Variants in ANO6 observed in about 807,000 individuals in gnomAD.
ANO6 encodes anoctamin-6.
In ANO6, 106 loss-of-function variants were observed where a neutral mutation model predicts 117.5. The ratio of observed to expected loss-of-function variants is 0.90; its 90% CI spans 0.77 to 1.06. ANO6 has a LOEUF of 1.06. ANO6 is among the 50% of genes least tolerant of loss of function. The pLI, the probability that ANO6 is intolerant of heterozygous loss-of-function variation, is 0.00. For missense variants in ANO6, 955 were observed against 1,121.1 expected (o/e 0.85, Z 2.12); for synonymous variants, 367 against 385.1 (o/e 0.95, Z 0.55).
At chr12:45,261,574 G>A (rs1430947496) in intron 1 of ANO6, among the ~76,000 whole-genome samples, 3 of 152,214 alleles carry the variant, frequency 2.0e-5, no homozygotes, top group African/African-American at 4.8e-5. Context: ...TCCTGGCTCT[G>A]TTACTTCAGT....
At chr12:45,287,110 AT>A (rs1938942564) in intron 1 of ANO6, among the ~76,000 whole-genome samples, 2 of 152,338 alleles carry the variant, frequency 1.3e-5, no homozygotes, top group South Asian at 4.1e-4. Flanking sequence ...GTAATTACTA[AT>A]TAAGTGCTAA....
chr12:45,254,363 G>A (rs1937736032), intron 1 of ANO6, among the ~76,000 whole-genome samples: 1 of 152,172 alleles, frequency 6.6e-6, no homozygotes, highest in East Asian at 1.9e-4. Context: ...GAGGAGGATG[G>A]GGATGTTGTG....
intron 17 of ANO6, among the ~76,000 whole-genome samples, chr12:45,418,671 C>G (rs1289848584): frequency 1.3e-5 from 2 of 152,176 alleles, no homozygotes; most frequent in African/African-American, 4.8e-5. Context: ...TTCCCAGCAT[C>G]CATGCCATGG....
At chr12:45,423,270 A>G (rs190181909) in intron 19 of ANO6, among the ~76,000 whole-genome samples, 43 of 152,168 alleles carry the variant, frequency 2.8e-4, no homozygotes, top group Admixed American at 2.4e-3. Context: ...AAAGCATGTT[A>G]TGCGCAAAGG....
chr12:45,324,953 C>T (rs139082161), intron 2 of ANO6, among the ~76,000 whole-genome samples: 5 of 152,252 alleles, frequency 3.3e-5, no homozygotes, highest in African/African-American at 9.6e-5. Flanking sequence ...TCACAGCTAT[C>T]GATTTGGTGA....
intron 1 of ANO6, among the ~76,000 whole-genome samples, chr12:45,274,565 A>G (rs1334052553): frequency 6.6e-6 from 1 of 151,836 alleles, no homozygotes; most frequent in Non-Finnish European, 1.5e-5. Flanking sequence ...GCCACCATTC[A>G]TGCACCTCTT....
intron 13 of ANO6, among the ~76,000 whole-genome samples, chr12:45,402,657 T>G (rs1174902739): frequency 6.6e-6 from 1 of 152,250 alleles, no homozygotes; most frequent in Non-Finnish European, 1.5e-5. Context: ...TCTAGCAAGT[T>G]GTACCTTGGT....
At chr12:45,423,665 G>C (rs1943422151) in intron 19 of ANO6, among the ~76,000 whole-genome samples, 1 of 152,138 alleles carries the variant, frequency 6.6e-6, no homozygotes, top group Non-Finnish European at 1.5e-5. Flanking sequence ...GAAAGTCTGT[G>C]GTTGCTCCTG....
chr12:45,284,146 A>G (rs765673645), intron 1 of ANO6, among the ~76,000 whole-genome samples: 10 of 152,230 alleles, frequency 6.6e-5, no homozygotes, highest in Non-Finnish European at 1.5e-4. Context: ...TAGAAACACA[A>G]TTGGAAAAAA....
At chr12:45,223,610 T>A (rs1036093084) in intron 1 of ANO6, among the ~76,000 whole-genome samples, 1 of 152,038 alleles carries the variant, frequency 6.6e-6, no homozygotes, top group African/African-American at 2.4e-5. Context: ...GCATTCATCC[T>A]GTATTTTGTC....
In ANO6 at chr12:45,259,386, G is replaced by T. The variant is rs538303096; in HGVS notation, c.71-42628G>T. 1.8e-3 allele frequency among the ~76,000 whole-genome samples: 280 copies of T among 152,310 alleles called. 1 individual carries two copies. Among genetic ancestry groups the T allele is most frequent in the African/African-American group, 6.1e-3 (254 of 41,568 alleles). On this transcript the variant is annotated intron_variant, in intron 1 of 19. Transcript: ENST00000320560. ...GGGAGCGAGTCATTGGATTTCACTA[G>T]ATTCTCTCAGAGGATTTCATGAACT...
chr12:45,300,532 G>A (rs1204535840), intron 1 of ANO6, among the ~76,000 whole-genome samples: 1 of 152,050 alleles, frequency 6.6e-6, no homozygotes, highest in Non-Finnish European at 1.5e-5. Flanking sequence ...CTCCAGTTTT[G>A]AAAAATAAGT....
chr12:45,317,404 G>C (rs989053307), intron 2 of ANO6, among the ~76,000 whole-genome samples: 1 of 150,788 alleles, frequency 6.6e-6, no homozygotes, highest in Non-Finnish European at 1.5e-5. Flanking sequence ...AGTTTGCTGA[G>C]AATGATGGTT....
intron 1 of ANO6, among the ~76,000 whole-genome samples, chr12:45,244,740 G>A (rs553859896): frequency 2.2e-4 from 34 of 152,218 alleles, no homozygotes; most frequent in African/African-American, 8.2e-4. Context: ...CTGAGGTTTC[G>A]TAAGGTTTGC....
rs1011744531 is a variant in ANO6 at position 45,430,612 on chromosome 12, C to T, written c.*1301C>T. 2 of 985,238 alleles carry T rather than the reference C, an allele frequency of 2.0e-6. No individual in the cohort carries two copies. Among genetic ancestry groups the T allele is most frequent in the African/African-American group, 3.5e-5 (2 of 57,226 alleles). 61.0% of individuals were successfully genotyped at this position (985,238 alleles called of 1,614,324 possible). On this transcript the variant is annotated 3_prime_UTR_variant, in exon 20 of 20. Transcript: ENST00000320560. ...CTCAGATTAGATTTGATTTTTTAGC[C>T]TCCTCTAGAGCCAATCAGGCAGTTA...
At chr12:45,343,422 G>A (rs1234199746) in intron 3 of ANO6, among the ~76,000 whole-genome samples, 1 of 152,142 alleles carries the variant, frequency 6.6e-6, no homozygotes. Context: ...GCTATGACCT[G>A]CTAGTGAGAC....
intron 1 of ANO6, among the ~76,000 whole-genome samples, chr12:45,294,560 AT>A (rs1229071964): frequency 6.6e-6 from 1 of 152,194 alleles, no homozygotes; most frequent in East Asian, 1.9e-4. Flanking sequence ...ATCAATTTGA[AT>A]TTGGAATTTG....
intron 9 of ANO6, among the ~76,000 whole-genome samples, chr12:45,373,994 G>C (rs368620646): frequency 2.6e-5 from 4 of 152,042 alleles, no homozygotes; most frequent in African/African-American, 7.2e-5. Context: ...GAATCAAAGA[G>C]ACGCAATAAA....
chr12:45,256,637 A>G (rs1937840000), intron 1 of ANO6: 2 of 152,208 alleles, frequency 1.3e-5, no homozygotes, highest in African/African-American at 4.8e-5. Context: ...CACCCTTTGT[A>G]TAGCCCAAGT....
Sources: gnomAD v4.1 joint callset for allele counts (sites outside exome capture counted in the v4.1 genomes callset) on GRCh38, gnomAD v4.1.1 for gene constraint, MANE v1.5 for transcripts, NCBI Gene and HGNC (gene_info 2026-07-23, HGNC 2026-07-21) for gene names.